The following FUT9 variants were observed in gnomAD, a reference collection of about 807,000 sequenced individuals.
The protein encoded by FUT9 is fucosyltransferase 9.
FUT9 carries 15 observed loss-of-function variants against 29.7 expected under a neutral mutation model. The ratio of observed to expected loss-of-function variants is 0.51; its 90% CI spans 0.34 to 0.78. The LOEUF (loss-of-function observed/expected upper bound fraction) is 0.78, where lower values mean the gene tolerates loss of function less well. Ranked by LOEUF, FUT9 falls within the 30% of genes least tolerant of loss-of-function variation. The pLI is 0.01. For synonymous variants in FUT9, 169 were observed against 153.7 expected (o/e 1.10, Z -0.74); for missense variants, 319 against 425.4 (o/e 0.75, Z 2.20).
intron 1 of FUT9, among the ~76,000 whole-genome samples, chr6:96,087,510 G>T (rs1231304429): frequency 6.6e-6 from 1 of 151,784 alleles, no homozygotes; most frequent in Non-Finnish European, 1.5e-5. Context: ...AGGACTACAG[G>T]CGCGTGCCAC....
chr6:96,134,664 C>A (rs1457936586), intron 2 of FUT9, among the ~76,000 whole-genome samples: 2 of 151,702 alleles, frequency 1.3e-5, no homozygotes, highest in Non-Finnish European at 3.0e-5. Flanking sequence ...TCCCACGAAA[C>A]AGATACATCA....
intron 1 of FUT9, among the ~76,000 whole-genome samples, chr6:96,105,907 C>A (rs1053909447): frequency 2.6e-5 from 4 of 152,088 alleles, no homozygotes; most frequent in African/African-American, 9.7e-5. Context: ...TCTAATAAGC[C>A]ATTAGATGAT....
At chr6:96,063,744 G>A (rs574920617) in intron 1 of FUT9, among the ~76,000 whole-genome samples, 1 of 152,244 alleles carries the variant, frequency 6.6e-6, no homozygotes, top group Non-Finnish European at 1.5e-5. Flanking sequence ...CATAAAGTGG[G>A]AAGCAAAAAG....
chr6:96,167,306 C>T (rs1466689485), intron 2 of FUT9, among the ~76,000 whole-genome samples: 2 of 151,982 alleles, frequency 1.3e-5, no homozygotes, highest in Non-Finnish European at 2.9e-5. Context: ...AATGCCTTGG[C>T]CAACCTGATG....
intron 1 of FUT9, among the ~76,000 whole-genome samples, chr6:96,038,321 C>T (rs759416675): frequency 4.6e-5 from 7 of 152,072 alleles, no homozygotes; most frequent in Non-Finnish European, 5.9e-5. Flanking sequence ...GAATCTGAAA[C>T]ATGAGTAATA....
chr6:96,035,965 T>C (rs1770356896), intron 1 of FUT9, among the ~76,000 whole-genome samples: 1 of 52,002 alleles, frequency 1.9e-5, no homozygotes, highest in Non-Finnish European at 3.7e-5. Context: ...TATATTAATA[T>C]AATATAATAC....
chr6:96,202,235 C>T (rs1472358158), intron 2 of FUT9, among the ~76,000 whole-genome samples: 1 of 152,006 alleles, frequency 6.6e-6, no homozygotes, highest in Non-Finnish European at 1.5e-5. Flanking sequence ...AAAGCCTTCA[C>T]TCATCTTTTT....
chr6:96,056,936 C>T (rs1770782527), intron 1 of FUT9, among the ~76,000 whole-genome samples: 1 of 152,070 alleles, frequency 6.6e-6, no homozygotes, highest in African/African-American at 2.4e-5. Flanking sequence ...CAAGTACCCA[C>T]ACAACAATTT....
At chr6:96,035,757 ATAT>A (rs1269559554) in intron 1 of FUT9, among the ~76,000 whole-genome samples, 7 of 132,270 alleles carry the variant, frequency 5.3e-5, no homozygotes, top group East Asian at 2.1e-4. Flanking sequence ...ATATAATATA[ATAT>A]TATAATTAAA....
At chr6:96,171,678 C>A (rs1773115570) in intron 2 of FUT9, among the ~76,000 whole-genome samples, 1 of 152,042 alleles carries the variant, frequency 6.6e-6, no homozygotes, top group Non-Finnish European at 1.5e-5. Context: ...TATCTTTAAC[C>A]TAAAGTATGT....
chr6:96,163,978 T>A (rs1772961551), intron 2 of FUT9, among the ~76,000 whole-genome samples: 1 of 152,194 alleles, frequency 6.6e-6, no homozygotes, highest in South Asian at 2.1e-4. Flanking sequence ...CCTCAGGAGA[T>A]CCTGACAATA....
chr6:96,083,411 G>A (rs970643514), intron 1 of FUT9, among the ~76,000 whole-genome samples: 6 of 152,160 alleles, frequency 3.9e-5, no homozygotes, highest in Admixed American at 1.3e-4. Flanking sequence ...AAGGACTGCT[G>A]TCCATTTACT....
At chr6:96,072,511 G>A (rs1011810539) in intron 1 of FUT9, among the ~76,000 whole-genome samples, 22 of 152,080 alleles carry the variant, frequency 1.4e-4, no homozygotes, top group Admixed American at 3.3e-4. Context: ...AAACAAGGGA[G>A]AGGATCATGT....
At chr6:96,173,634 TTTATC>T (rs1275245390) in intron 2 of FUT9, among the ~76,000 whole-genome samples, 1 of 152,124 alleles carries the variant, frequency 6.6e-6, no homozygotes, top group Non-Finnish European at 1.5e-5. Context: ...TGGTGACTAT[TTTATC>T]AGATAAAATA....
At chr6:96,106,868 CA>C (rs1377183427) in intron 1 of FUT9, among the ~76,000 whole-genome samples, 3 of 152,114 alleles carry the variant, frequency 2.0e-5, no homozygotes, top group Non-Finnish European at 4.4e-5. Context: ...AGTATCAAAC[CA>C]TTTTTCAGAC....
At chr6:96,109,826 G>A (rs1771763639) in intron 1 of FUT9, among the ~76,000 whole-genome samples, 1 of 152,074 alleles carries the variant, frequency 6.6e-6, no homozygotes, top group Admixed American at 6.6e-5. Flanking sequence ...GCACTATAAA[G>A]TCTAACTCTT....
intron 1 of FUT9, among the ~76,000 whole-genome samples, chr6:96,047,892 G>C (rs749359947): frequency 6.6e-6 from 1 of 152,126 alleles, no homozygotes; most frequent in Non-Finnish European, 1.5e-5. Flanking sequence ...CTTAAAGCAA[G>C]GTAAGCTTAT....
chr6:96,080,818 T>C (rs2127950682), intron 1 of FUT9, among the ~76,000 whole-genome samples: 1 of 152,076 alleles, frequency 6.6e-6, no homozygotes, highest in South Asian at 2.1e-4. Flanking sequence ...CAACTTGAGA[T>C]GTTCTTGGGT....
At chr6:96,170,935 G>A (rs1041199020) in intron 2 of FUT9, among the ~76,000 whole-genome samples, 110 of 152,098 alleles carry the variant, frequency 7.2e-4, no homozygotes, top group African/African-American at 2.6e-3. Context: ...AGGACAACAT[G>A]TAGTTCACTC....
Sources: allele counts gnomAD v4.1 joint callset (sites outside exome capture counted in the v4.1 genomes callset), GRCh38; gene constraint gnomAD v4.1.1; transcripts MANE v1.5; gene names NCBI Gene and HGNC (gene_info 2026-07-23, HGNC 2026-07-21).